ZNF385D: variants seen among roughly 807,000 people sequenced by gnomAD.
ZNF385D encodes the protein zinc finger protein 385D.
In ZNF385D, 15 loss-of-function variants were observed where a neutral mutation model predicts 35.8. The observed-to-expected ratio is 0.42, with a 90% CI of 0.28 to 0.64. The LOEUF (loss-of-function observed/expected upper bound fraction) is 0.64. Among genes scored for constraint, ZNF385D ranks in the 30% least tolerant of loss-of-function variants. The pLI, the probability that ZNF385D is intolerant of heterozygous loss-of-function variation, is 0.23. For synonymous variants in ZNF385D, 212 were observed against 186.8 expected (o/e 1.13, Z -1.10); for missense variants, 474 against 494.6 (o/e 0.96, Z 0.39).
intron 2 of ZNF385D, among the ~76,000 whole-genome samples, chr3:22,276,633 A>G (rs1405363345): frequency 1.3e-5 from 2 of 152,168 alleles, no homozygotes; most frequent in Admixed American, 1.3e-4. Context: ...GAAACAAATC[A>G]CTGTAAAATA....
chr3:21,503,981 G>A (rs1162825378), intron 4 of ZNF385D, among the ~76,000 whole-genome samples: 1 of 152,094 alleles, frequency 6.6e-6, no homozygotes, highest in African/African-American at 2.4e-5. Context: ...AAGAGAAAAA[G>A]GGAAACTGGA....
chr3:22,027,450 G>A (rs1023237916), intron 3 of ZNF385D, among the ~76,000 whole-genome samples: 1 of 152,180 alleles, frequency 6.6e-6, no homozygotes. Flanking sequence ...TCAAGCCTTT[G>A]GCAGGTCCCC....
intron 4 of ZNF385D, chr3:21,459,526 AT>A (rs1284075434): frequency 1.3e-5 from 2 of 152,156 alleles, no homozygotes; most frequent in Admixed American, 1.3e-4. Flanking sequence ...TTTAAATAAT[AT>A]AAATGGTATA....
chr3:22,019,129 G>C (rs1697074397), intron 3 of ZNF385D, among the ~76,000 whole-genome samples: 1 of 125,988 alleles, frequency 7.9e-6, no homozygotes, highest in African/African-American at 3.1e-5. Context: ...CCTATATCCT[G>C]TCTCCTATAC....
intron 2 of ZNF385D, among the ~76,000 whole-genome samples, chr3:21,629,105 A>T (rs2065212388): frequency 6.6e-6 from 1 of 152,122 alleles, no homozygotes; most frequent in East Asian, 1.9e-4. Context: ...TTTAAAAAAA[A>T]TTGTGATCTG....
chr3:22,275,912 C>A (rs1286667339), intron 2 of ZNF385D, among the ~76,000 whole-genome samples: 1 of 151,994 alleles, frequency 6.6e-6, no homozygotes, highest in African/African-American at 2.4e-5. Context: ...TGGCGAAACC[C>A]CATCTCTACT....
At chr3:21,432,902 C>T (rs564923402) in intron 5 of ZNF385D, among the ~76,000 whole-genome samples, 1 of 151,884 alleles carries the variant, frequency 6.6e-6, no homozygotes, top group South Asian at 2.1e-4. Flanking sequence ...AGTGAAAAAT[C>T]AAAGGGAAAG....
chr3:21,748,464 T>C (rs2069890592), intron 1 of ZNF385D, among the ~76,000 whole-genome samples: 1 of 152,232 alleles, frequency 6.6e-6, no homozygotes, highest in East Asian at 1.9e-4. Flanking sequence ...AGATGATTTA[T>C]AAAGGAAGTA....
At chr3:21,989,723 A>G (rs1212696783) in intron 3 of ZNF385D, among the ~76,000 whole-genome samples, 1 of 152,186 alleles carries the variant, frequency 6.6e-6, no homozygotes, top group Non-Finnish European at 1.5e-5. Flanking sequence ...GTAAGTATGT[A>G]ATTACCTTTG....
chr3:21,722,710 C>T (rs1317129663), intron 1 of ZNF385D, among the ~76,000 whole-genome samples: 1 of 152,218 alleles, frequency 6.6e-6, no homozygotes, highest in Non-Finnish European at 1.5e-5. Flanking sequence ...CCAACTTCCA[C>T]ACAAAGGAGA....
intron 2 of ZNF385D, among the ~76,000 whole-genome samples, chr3:22,242,229 A>G (rs1699539045): frequency 6.6e-6 from 1 of 150,972 alleles, no homozygotes; most frequent in Admixed American, 6.6e-5. Context: ...GTATAATAAT[A>G]AAAGAAAAAA....
intron 2 of ZNF385D, among the ~76,000 whole-genome samples, chr3:22,327,329 A>G (rs570121151): frequency 6.6e-6 from 1 of 152,172 alleles, no homozygotes; most frequent in East Asian, 1.9e-4. Context: ...TAAGAAATGT[A>G]AATTTTCTAA....
intron 1 of ZNF385D, among the ~76,000 whole-genome samples, chr3:21,712,760 A>T (rs1319409183): frequency 6.6e-6 from 1 of 152,156 alleles, no homozygotes; most frequent in Non-Finnish European, 1.5e-5. Context: ...GGTTGCCTTT[A>T]TCTACTCTGA....
At chr3:21,473,282 A>G (rs528206042) in intron 4 of ZNF385D, among the ~76,000 whole-genome samples, 1 of 152,150 alleles carries the variant, frequency 6.6e-6, no homozygotes, top group East Asian at 1.9e-4. Context: ...CTCAGCACCC[A>G]TGCCAAAGGT....
chr3:21,818,537 T>C (rs1436138224), intron 3 of ZNF385D, among the ~76,000 whole-genome samples: 1 of 152,160 alleles, frequency 6.6e-6, no homozygotes, highest in East Asian at 1.9e-4. Flanking sequence ...AGCCTATTTC[T>C]CAGAGAGATA....
intron 3 of ZNF385D, among the ~76,000 whole-genome samples, chr3:21,909,344 C>G (rs1340921588): frequency 2.6e-5 from 4 of 152,012 alleles, no homozygotes; most frequent in Non-Finnish European, 5.9e-5. Flanking sequence ...CAAAATAACT[C>G]TCATGGCTGA....
rs1453883789 is a variant in ZNF385D, at chr3:21,414,890, T to A, written c.*6324A>T. 1 of 152,126 alleles carries A rather than the reference T, an allele frequency of 6.6e-6. No individual in the cohort carries two copies. Among genetic ancestry groups the A allele is most frequent in the Non-Finnish European group, 1.5e-5 (1 of 68,002 alleles). 9.4% of individuals were successfully genotyped at this position (152,126 alleles called of 1,614,324 possible). Reference sequence around the variant, plus strand: ...CTTTCCAGGATCTCACGAACTCAATTCCTTTTTCATCTCTACTAATGTTAG... The same window carrying A: ...CTTTCCAGGATCTCACGAACTCAATACCTTTTTCATCTCTACTAATGTTAG... On this transcript the variant is annotated 3_prime_UTR_variant, in exon 8 of 8. Transcript: ENST00000281523.
At chr3:22,211,659 C>G (rs938552104) in intron 2 of ZNF385D, among the ~76,000 whole-genome samples, 4 of 151,870 alleles carry the variant, frequency 2.6e-5, no homozygotes, top group East Asian at 1.9e-4. Context: ...CAGAAAGAAA[C>G]AGAGAGAAAG....
intron 3 of ZNF385D, among the ~76,000 whole-genome samples, chr3:21,972,621 T>C (rs2125344640): frequency 6.6e-6 from 1 of 151,292 alleles, no homozygotes; most frequent in East Asian, 1.9e-4. Context: ...TAAAACAATA[T>C]AAAAGATGAA....
Sources: allele counts gnomAD v4.1 joint callset (sites outside exome capture counted in the v4.1 genomes callset), GRCh38; gene constraint gnomAD v4.1.1; transcripts MANE v1.5; gene names NCBI Gene and HGNC (gene_info 2026-07-23, HGNC 2026-07-21).